The following MECOM variants were observed in gnomAD, a reference collection of about 807,000 sequenced individuals.
MECOM encodes MDS1 and EVI1 complex locus.
A neutral mutation model predicts 116.3 loss-of-function variants in MECOM; 13 were observed. The ratio of observed to expected loss-of-function variants is 0.11; its 90% confidence interval spans 0.07 to 0.18. The LOEUF is 0.18. Among genes scored for constraint, MECOM ranks in the 10% least tolerant of loss-of-function variants. The probability of loss-of-function intolerance (pLI) is 1.00; values close to 1 mark genes in which losing one functional copy is unlikely to be tolerated. For synonymous variants in MECOM, 528 were observed against 535.2 expected, an observed-to-expected ratio of 0.99 and a Z score of 0.19; for missense variants, 1,299 against 1,509.0, an observed-to-expected ratio of 0.86 and a Z score of 2.31.
chr3:169,235,055 GA>G (rs1045521144), intron 2 of MECOM, among the ~76,000 whole-genome samples: 3 of 152,140 alleles, frequency 2.0e-5, no homozygotes, highest in Admixed American at 6.6e-5. Context: ...CAAAACTTAG[GA>G]AAAATAAACA....
At chr3:169,642,083 T>G (rs1257537733) in intron 1 of MECOM, among the ~76,000 whole-genome samples, 1 of 152,232 alleles carries the variant, frequency 6.6e-6, no homozygotes, top group East Asian at 1.9e-4. Flanking sequence ...ATGACAGTGT[T>G]TCTAAGAGTA....
At chr3:169,607,257 G>A (rs950750300) in intron 1 of MECOM, among the ~76,000 whole-genome samples, 16 of 152,112 alleles carry the variant, frequency 1.1e-4, no homozygotes, top group African/African-American at 3.6e-4. Flanking sequence ...CTTCTACCAC[G>A]CTATGTACAG....
chr3:169,241,957 A>G (rs1016969952), intron 2 of MECOM, among the ~76,000 whole-genome samples: 3 of 152,202 alleles, frequency 2.0e-5, no homozygotes, highest in African/African-American at 7.2e-5. Context: ...TGAAATGTAA[A>G]AAGTATTAGT....
intron 2 of MECOM, among the ~76,000 whole-genome samples, chr3:169,200,757 G>A (rs1749037175): frequency 6.6e-6 from 1 of 151,978 alleles, no homozygotes; most frequent in Admixed American, 6.6e-5. Context: ...TATCTGCCCG[G>A]GACTGAGCTT....
intron 2 of MECOM, among the ~76,000 whole-genome samples, chr3:169,152,405 G>C (rs1366087798): frequency 6.6e-6 from 1 of 152,168 alleles, no homozygotes. Context: ...GAAGACAGAA[G>C]CCCTGCTGCT....
rs756404386 is a variant in MECOM at position 169,419,988 on chromosome 3, G to T, written c.38-38464C>A. On this transcript the variant is annotated intron_variant, in intron 1 of 16. Transcript: ENST00000651503. ...CTTCTCAAAAGAAGACATTTATGCA[G>T]CCAACAAACATATGAATAAAAGCTC... Among the ~76,000 whole-genome samples the T allele has an allele frequency of 7.9e-4, 120 of 152,146 alleles. 2 individuals carry two copies. Among genetic ancestry groups the T allele is most frequent in the Non-Finnish European group, 7.6e-4 (52 of 68,036 alleles).
Position 169,205,526 on chromosome 3 carries a change from C to A in MECOM, c.376-61694G>T, listed in dbSNP as rs1749803478. Among the ~76,000 whole-genome samples the A allele has an allele frequency of 1.3e-5, 2 of 152,080 alleles. 1 individual carries two copies. Among genetic ancestry groups the A allele is most frequent in the South Asian group, 4.1e-4 (2 of 4,822 alleles). On this transcript the variant is annotated intron_variant, in intron 2 of 16. Coordinates refer to ENST00000651503, the MANE Select transcript of MECOM (RefSeq NM_004991.4). ...TTCCTTTGACATAACACCGGGATCC[C>A]CTATATATTGTAAATACAGTGTACT...
intron 1 of MECOM, among the ~76,000 whole-genome samples, chr3:169,439,909 T>C (rs1743320724): frequency 6.6e-6 from 1 of 152,114 alleles, no homozygotes; most frequent in Non-Finnish European, 1.5e-5. Context: ...AAATATTGCA[T>C]GTAGAAAAGC....
intron 2 of MECOM, among the ~76,000 whole-genome samples, chr3:169,322,717 G>T (rs1721066013): frequency 1.3e-5 from 2 of 152,078 alleles, no homozygotes; most frequent in South Asian, 4.2e-4. Context: ...CTCATAAAAG[G>T]CCGGCCACAG....
At chr3:169,569,073 C>T (rs893126479) in intron 1 of MECOM, among the ~76,000 whole-genome samples, 2 of 151,868 alleles carry the variant, frequency 1.3e-5, no homozygotes, top group South Asian at 2.1e-4. Flanking sequence ...CAAGACCCAT[C>T]GGTGTGCTGT....
At position 169,428,596 on chromosome 3, in the gene MECOM, A is replaced by G. The variant is rs558031292; in HGVS notation, c.38-47072T>C. Among the ~76,000 whole-genome samples the G allele has an allele frequency of 3.9e-4, 59 of 152,334 alleles. 1 individual carries two copies. The highest frequency in any genetic ancestry group is 1.7e-3 in the South Asian group (8 of 4,826). On this transcript the variant is annotated intron_variant, in intron 1 of 16. Transcript: ENST00000651503. ...GCTACTCAGTCTATGGTATTTTGTT[A>G]TGACAGCCCTAGCAAATGAATATAT... is the stretch of plus-strand genomic sequence containing the variant.
chr3:169,193,015 G>A (rs532273680), intron 2 of MECOM, among the ~76,000 whole-genome samples: 1 of 152,118 alleles, frequency 6.6e-6, no homozygotes, highest in African/African-American at 2.4e-5. Context: ...GATGGGGGCA[G>A]GGGTAATATC....
intron 2 of MECOM, among the ~76,000 whole-genome samples, chr3:169,168,434 A>T (rs1309042756): frequency 6.6e-6 from 1 of 150,420 alleles, no homozygotes; most frequent in Non-Finnish European, 1.5e-5. Flanking sequence ...GCTGAGAGAG[A>T]TGAGTTTAAA....
chr3:169,510,043 T>TA (rs1484940205), intron 1 of MECOM, among the ~76,000 whole-genome samples: 2 of 152,188 alleles, frequency 1.3e-5, no homozygotes, highest in Admixed American at 6.5e-5. Context: ...AAAATCCTCT[T>TA]ATAGGGTGGG....
At chr3:169,513,195 G>A (rs1277420641) in intron 1 of MECOM, among the ~76,000 whole-genome samples, 1 of 152,174 alleles carries the variant, frequency 6.6e-6, no homozygotes, top group Non-Finnish European at 1.5e-5. Context: ...CCCAGCTTAT[G>A]GCAGATTATG....
chr3:169,472,580 G>GAGGAGAGGAA lies in MECOM; in HGVS notation c.38-91057_38-91056insTTCCTCTCCT, dbSNP rs1749614160. 6.8e-5 allele frequency among the ~76,000 whole-genome samples: 4 copies of GAGGAGAGGAA among 59,084 alleles called. 1 individual carries two copies. The highest frequency in any genetic ancestry group is 2.8e-4 in the African/African-American group (3 of 10,906). The allele number at this position is 59,084 out of a possible 152,430, so 38.8% of individuals were successfully genotyped here. On this transcript the variant is annotated intron_variant, in intron 1 of 16. Transcript: ENST00000651503. ...AAAGAGAGGAGAGGAGAGGAGAGGA[G>GAGGAGAGGAA]AGGAAAGGAAAGGAAAGGAAAGGAA...
chr3:169,446,967 T>A (rs961722254), intron 1 of MECOM, among the ~76,000 whole-genome samples: 4 of 152,198 alleles, frequency 2.6e-5, no homozygotes, highest in African/African-American at 9.6e-5. Flanking sequence ...AATTTTCAGT[T>A]ATTTTTTTCA....
intron 1 of MECOM, among the ~76,000 whole-genome samples, chr3:169,397,385 A>G (rs763193441): frequency 6.6e-6 from 1 of 152,224 alleles, no homozygotes; most frequent in Non-Finnish European, 1.5e-5. Flanking sequence ...ATATTTAATG[A>G]TAGACGATGA....
chr3:169,358,928 A>G (rs868116724), intron 2 of MECOM, among the ~76,000 whole-genome samples: 10 of 151,772 alleles, frequency 6.6e-5, no homozygotes, highest in African/African-American at 2.4e-4. Flanking sequence ...TGGGTAATGA[A>G]TTCTAACATC....
Sources: gnomAD v4.1 joint callset for allele counts (sites outside exome capture counted in the v4.1 genomes callset) on GRCh38, gnomAD v4.1.1 for gene constraint, MANE v1.5 for transcripts, NCBI Gene and HGNC (gene_info 2026-07-23, HGNC 2026-07-21) for gene names.